The following KLHL13 variants were observed in gnomAD, a reference collection of about 807,000 sequenced individuals.
The protein encoded by KLHL13 is kelch-like protein 13.
In KLHL13, 10 loss-of-function variants were observed where a neutral mutation model predicts 37.1. The observed-to-expected ratio is 0.27, with a 90% CI of 0.17 to 0.46. KLHL13 has a LOEUF of 0.46. Ranked by LOEUF, KLHL13 falls within the 20% of genes least tolerant of loss-of-function variation. KLHL13 has a pLI of 1.00. For missense variants in KLHL13, 360 were observed against 509.3 expected (o/e 0.71, Z 2.82); for synonymous variants, 163 against 181.2 (o/e 0.90, Z 0.81).
intron 2 of KLHL13, among the ~76,000 whole-genome samples, chrX:117,939,504 T>A (rs770547323): frequency 8.9e-6 from 1 of 112,231 alleles, no homozygotes; most frequent in African/African-American, 3.2e-5. Flanking sequence ...AGATCCTTGA[T>A]GAATCACCAC....
chrX:118,071,654 C>T (rs1246095115), intron 1 of KLHL13, among the ~76,000 whole-genome samples: 1 of 109,987 alleles, frequency 9.1e-6, no homozygotes, highest in African/African-American at 3.3e-5. Flanking sequence ...AATCAATGTA[C>T]AAAAATCACA....
chrX:117,968,530 G>GT (rs1569429100), intron 1 of KLHL13, among the ~76,000 whole-genome samples: 1 of 111,608 alleles, frequency 9.0e-6, no homozygotes, highest in Non-Finnish European at 1.9e-5. Flanking sequence ...TTTATCTTAG[G>GT]TGTTAGTTGT....
intron 1 of KLHL13, among the ~76,000 whole-genome samples, chrX:118,102,300 C>A (rs897019823): frequency 8.9e-6 from 1 of 111,848 alleles, no homozygotes; most frequent in Non-Finnish European, 1.9e-5. Context: ...CTGTTCTTCC[C>A]GGCTCATATA....
chrX:117,923,161 G>A (rs6603347), intron 2 of KLHL13, among the ~76,000 whole-genome samples: 10,304 of 111,554 alleles, frequency 0.092, 438 homozygotes, highest in African/African-American at 0.16. Context: ...AAGCAATGCC[G>A]CAATTAACTT....
intron 1 of KLHL13, among the ~76,000 whole-genome samples, chrX:118,083,907 T>C (rs188292737): frequency 2.4e-3 from 268 of 111,555 alleles, no homozygotes; most frequent in Admixed American, 4.8e-3. Flanking sequence ...AGATGCACTA[T>C]GCATCTAGTT....
intron 1 of KLHL13, among the ~76,000 whole-genome samples, chrX:118,007,197 G>T (rs2053994209): frequency 9.1e-6 from 1 of 109,317 alleles, no homozygotes; most frequent in Non-Finnish European, 1.9e-5. Context: ...TCGCTTGTGG[G>T]CCAGGAGTTC....
intron 1 of KLHL13, among the ~76,000 whole-genome samples, chrX:117,989,740 T>C (rs1421688256): frequency 9.0e-6 from 1 of 111,354 alleles, no homozygotes; most frequent in Non-Finnish European, 1.9e-5. Context: ...TCCCTGCCCT[T>C]CTACTCTACC....
chrX:117,909,254 T>C (rs770552864), intron 5 of KLHL13, 47 bp downstream of exon 6: 4 of 1,018,538 alleles, frequency 3.9e-6, no homozygotes, highest in Non-Finnish European at 2.6e-6. Flanking sequence ...TGATAAGAAT[T>C]TCTGAGTGAA....
rs6646059 is a variant in KLHL13 at position 118,066,617 on chromosome X, T to C, written c.-56+49891A>G. On this transcript the variant is annotated intron_variant, in intron 1 of 6. Transcript: ENST00000371882. The stretch of plus-strand genomic sequence containing the variant: ...TCTTGTAGCTATGAAAAACATGATC[T>C]ACGAAAGAGAAACCTGACAAAATGA... 8.5e-3 allele frequency among the ~76,000 whole-genome samples: 944 copies of C among 111,148 alleles called. 9 individuals carry two copies. The highest frequency in any genetic ancestry group is 0.028 in the African/African-American group (850 of 30,613).
intron 1 of KLHL13, among the ~76,000 whole-genome samples, chrX:117,950,410 T>C (rs1176246709): frequency 1.8e-5 from 2 of 111,460 alleles, no homozygotes; most frequent in East Asian, 5.6e-4. Context: ...GAGGGTGCAG[T>C]GAGCCGAGAC....
At chrX:118,003,163 A>C (rs1298148732) in intron 1 of KLHL13, among the ~76,000 whole-genome samples, 1 of 112,250 alleles carries the variant, frequency 8.9e-6, no homozygotes, top group East Asian at 2.8e-4. Context: ...CCTAACCCTA[A>C]ATAACCAGGA....
At chrX:118,007,225 C>T (rs748418745) in intron 1 of KLHL13, among the ~76,000 whole-genome samples, 1 of 109,326 alleles carries the variant, frequency 9.1e-6, no homozygotes, top group Admixed American at 9.9e-5. Context: ...GCCTGGTGAA[C>T]ATAGCGAGAC....
chrX:118,091,056 C>T (rs1265528410), intron 1 of KLHL13, among the ~76,000 whole-genome samples: 1 of 99,694 alleles, frequency 1.0e-5, no homozygotes, highest in Non-Finnish European at 2.0e-5. Context: ...CATGTTCTCA[C>T]TCATAGGTGG....
At chrX:117,905,516 C>CAT (rs1432404248) in intron 5 of KLHL13, among the ~76,000 whole-genome samples, 2 of 111,923 alleles carry the variant, frequency 1.8e-5, no homozygotes, top group Non-Finnish European at 3.8e-5. Flanking sequence ...CACACACACA[C>CAT]ACACACACAC....
At chrX:118,116,988 C>A (rs2148202616), upstream of KLHL13, 1 of 112,387 alleles carries the variant, frequency 8.9e-6, no homozygotes, top group South Asian at 3.7e-4. Context: ...AACGGAACTC[C>A]CAGGCTGTAG....
chrX:117,995,112 C>T (rs1484642695), intron 1 of KLHL13, among the ~76,000 whole-genome samples: 1 of 111,015 alleles, frequency 9.0e-6, no homozygotes, highest in African/African-American at 3.3e-5. Context: ...GAACATAAAA[C>T]AAAATGTCTC....
chrX:118,059,383 T>C (rs984443839), intron 1 of KLHL13, among the ~76,000 whole-genome samples: 1 of 111,893 alleles, frequency 8.9e-6, no homozygotes, highest in Non-Finnish European at 1.9e-5. Context: ...GCATCTTCAC[T>C]TTTCTTCTCA....
chrX:118,046,098 T>A (rs1388306548), intron 1 of KLHL13, among the ~76,000 whole-genome samples: 3 of 112,359 alleles, frequency 2.7e-5, no homozygotes, highest in Admixed American at 9.4e-5. Flanking sequence ...ATCCCATGTT[T>A]ATTGCAGCAC....
rs186623212 is a variant in KLHL13 at position 118,029,049 on chromosome X, G to C, written c.-55-83474C>G. ...AAAAAACATAGTATATATAGGGTTC[G>C]GTACTCTCCACGTTTTCAGGCATCC... On this transcript the variant is annotated intron_variant, in intron 1 of 6. Coordinates refer to the KLHL13 transcript ENST00000371882. Among the ~76,000 whole-genome samples, 19 of 111,085 alleles carry C rather than the reference G, an allele frequency of 1.7e-4. 1 individual carries two copies. The highest frequency in any genetic ancestry group is 1.6e-3 in the Admixed American group (17 of 10,358).
Sources: allele counts gnomAD v4.1 joint callset (sites outside exome capture counted in the v4.1 genomes callset), GRCh38; gene constraint gnomAD v4.1.1; transcripts MANE v1.5; gene names NCBI Gene and HGNC (gene_info 2026-07-23, HGNC 2026-07-21).